Variants in NR4A1 observed in about 807,000 individuals in gnomAD.
NR4A1 encodes the protein nuclear receptor subfamily 4immunitygroup A member 1.
Under a neutral mutation model 47.5 loss-of-function variants are expected in NR4A1, and 24 were observed. The ratio of observed to expected loss-of-function variants is 0.50; its 90% CI spans 0.37 to 0.71. The LOEUF (loss-of-function observed/expected upper bound fraction) is 0.71, where lower values mean the gene tolerates loss of function less well. Ranked by LOEUF, NR4A1 falls within the 30% of genes least tolerant of loss-of-function variation. The pLI is 0.00. For synonymous variants in NR4A1, 353 were observed against 345.7 expected (o/e 1.02, Z -0.24); for missense variants, 669 against 788.6 (o/e 0.85, Z 1.82).
intron 4 of NR4A1, chr12:52,056,854 C>T (rs1483386548): frequency 3.8e-6 from 3 of 795,694 alleles, no homozygotes; most frequent in Non-Finnish European, 1.9e-6. Flanking sequence ...CCCCCTCAGG[C>T]AGGTGGCCAA....
intron 1 of NR4A1, among the ~76,000 whole-genome samples, chr12:52,026,241 G>T (rs1267817967): frequency 6.6e-6 from 1 of 152,230 alleles, no homozygotes; most frequent in East Asian, 1.9e-4. Flanking sequence ...ATTTATGCAC[G>T]CCTTTATTGG....
intron 2 of NR4A1, chr12:52,043,799 CAG>C: frequency 7.8e-7 from 1 of 1,288,192 alleles, no homozygotes; most frequent in Non-Finnish European, 1.0e-6. Flanking sequence ...TCTCTCCCCA[CAG>C]GGCTCCCTGA....
At chr12:52,045,684 C>T (rs1938606357) in intron 2 of NR4A1, 1 of 321,628 alleles carries the variant, frequency 3.1e-6, no homozygotes, top group South Asian at 2.3e-5. Context: ...AAAGATGCCT[C>T]TGATAGCTCT....
rs1939447565 is a variant in NR4A1, at chr12:52,059,416, AT to A, written c.*475del. 1 of 154,412 alleles carries A rather than the reference AT, an allele frequency of 6.5e-6. No homozygotes were observed. The highest frequency in any genetic ancestry group is 1.4e-5 in the Non-Finnish European group (1 of 69,708). The allele number at this position is 154,412 out of a possible 1,614,324, so 9.6% of individuals were successfully genotyped here. On this transcript the variant is annotated 3_prime_UTR_variant, in exon 7 of 7. Transcript: ENST00000394825. ...ACAAATGACAGATTCTGACATTTAT[AT>A]TTGTGTATTTTCCTGGATTTATAGT...
chr12:52,029,042 C>T (rs1938062561), intron 1 of NR4A1, among the ~76,000 whole-genome samples: 1 of 152,258 alleles, frequency 6.6e-6, no homozygotes, highest in South Asian at 2.1e-4. Context: ...TCCCAGGGAG[C>T]TAGGACCTGT....
rs79581827 is a variant in NR4A1 at position 52,036,673 on chromosome 12, C to G, written c.-83-5137C>G. ...CCTATTTCTCTGTAAGCTGCCTTCT[C>G]GTGTGGAAGCTGGGTGCCCTGCTAC... On this transcript the variant is annotated intron_variant, in intron 1 of 7. Transcript: ENST00000360284. Among the ~76,000 whole-genome samples, 54 of 152,330 alleles carry G rather than the reference C, an allele frequency of 3.5e-4. 1 individual carries two copies. The East Asian group carries it at 0.01, about 29-fold the overall frequency.
intron 1 of NR4A1, among the ~76,000 whole-genome samples, chr12:52,032,177 T>C (rs1467114787): frequency 6.6e-6 from 1 of 152,184 alleles, no homozygotes; most frequent in African/African-American, 2.4e-5. Context: ...TGTGAGGCTG[T>C]TTCTGGAAGA....
chr12:52,028,671 C>T (rs770766083), intron 1 of NR4A1, among the ~76,000 whole-genome samples: 1 of 151,616 alleles, frequency 6.6e-6, no homozygotes, highest in African/African-American at 2.4e-5. Flanking sequence ...TTTGGGAGGC[C>T]GAGGTGGGTG....
chr12:52,025,743 C>T (rs1186815514), intron 1 of NR4A1, among the ~76,000 whole-genome samples: 1 of 152,236 alleles, frequency 6.6e-6, no homozygotes, highest in Non-Finnish European at 1.5e-5. Flanking sequence ...GGGCCTGGCA[C>T]ATAGCCGGCC....
intron 1 of NR4A1, among the ~76,000 whole-genome samples, chr12:52,040,571 A>C (rs2120969856): frequency 6.6e-6 from 1 of 152,262 alleles, no homozygotes; most frequent in East Asian, 1.9e-4. Context: ...AAGGTGCTCC[A>C]GATGTTCCAG....
At chr12:52,036,300 G>C (rs921799926) in intron 1 of NR4A1, among the ~76,000 whole-genome samples, 6 of 151,998 alleles carry the variant, frequency 3.9e-5, no homozygotes, top group African/African-American at 1.4e-4. Flanking sequence ...GGAAGCCTGG[G>C]CCTGAAGACT....
chr12:52,049,608 T>C (rs997176420), upstream of NR4A1, among the ~76,000 whole-genome samples: 8 of 152,188 alleles, frequency 5.3e-5, no homozygotes, highest in Non-Finnish European at 1.2e-4. Flanking sequence ...TAAGCCATAA[T>C]CATGCCACTG....
chr12:52,033,420 C>G (rs1339086026), intron 1 of NR4A1, among the ~76,000 whole-genome samples: 1 of 152,250 alleles, frequency 6.6e-6, no homozygotes, highest in Non-Finnish European at 1.5e-5. Context: ...TTGTTTACCA[C>G]GAGCATGTTT....
At chr12:52,053,049 C>T (rs1848973455) in intron 1 of NR4A1, among the ~76,000 whole-genome samples, 2 of 152,120 alleles carry the variant, frequency 1.3e-5, no homozygotes, top group African/African-American at 2.4e-5. Flanking sequence ...ACAGCCTTTG[C>T]CCCCATCACT....
chr12:52,040,896 C>T (rs755074199), intron 1 of NR4A1, among the ~76,000 whole-genome samples: 20 of 152,072 alleles, frequency 1.3e-4, no homozygotes, highest in South Asian at 4.1e-4. Flanking sequence ...CACTCTGGTG[C>T]GTAGTCGAGA....
In NR4A1 at chr12:52,057,567, G is replaced by C. The variant is rs200415700; in HGVS notation, c.1540+37G>C. ...GCACCACACCAGGTCCAAGGGAATG[G>C]GCGTCAGGGGGTTGACTGGTTCTCA... is the stretch of plus-strand genomic sequence containing the variant. On this transcript the variant is annotated intron_variant, in intron 6 of 6. Transcript: ENST00000394825. 3 of 1,608,498 alleles carry C rather than the reference G, an allele frequency of 1.9e-6. No homozygotes were observed. In the African/African-American group the frequency reaches 4.0e-5, roughly 21 times the overall value.
At chr12:52,032,616 G>A (rs904649225) in intron 1 of NR4A1, among the ~76,000 whole-genome samples, 8 of 152,338 alleles carry the variant, frequency 5.3e-5, no homozygotes, top group African/African-American at 1.4e-4. Context: ...AGCTGTGTCT[G>A]TTTTGTTCTG....
chr12:52,045,083 G>T (rs550139741), intron 2 of NR4A1, among the ~76,000 whole-genome samples: 103 of 152,298 alleles, frequency 6.8e-4, no homozygotes, highest in African/African-American at 2.3e-3. Context: ...TTGACCACTC[G>T]CTGCATACAC....
intron 1 of NR4A1, among the ~76,000 whole-genome samples, chr12:52,052,206 T>C (rs981531416): frequency 2.7e-5 from 4 of 145,814 alleles, no homozygotes; most frequent in African/African-American, 1.1e-4. Context: ...AGGAGGCTTC[T>C]TGGGGTCGGG....
Sources: allele counts gnomAD v4.1 joint callset (sites outside exome capture counted in the v4.1 genomes callset), GRCh38; gene constraint gnomAD v4.1.1; transcripts MANE v1.5; gene names NCBI Gene and HGNC (gene_info 2026-07-23, HGNC 2026-07-21).